Variants in PPP4R2 observed in about 807,000 individuals in gnomAD.
PPP4R2 encodes the protein protein phosphatase 4 regulatory subunit 2.
A neutral mutation model predicts 47.2 loss-of-function variants in PPP4R2; 13 were observed. The observed-to-expected ratio is 0.28, with a 90% CI of 0.18 to 0.44. The LOEUF (loss-of-function observed/expected upper bound fraction) is 0.44. Ranked by LOEUF, PPP4R2 falls within the 20% of genes least tolerant of loss-of-function variation. The pLI, the probability that PPP4R2 is intolerant of heterozygous loss-of-function variation, is 1.00. For synonymous variants in PPP4R2, 151 were observed against 163.3 expected, an observed-to-expected ratio of 0.92 and a Z score of 0.57; for missense variants, 421 against 491.2, an observed-to-expected ratio of 0.86 and a Z score of 1.35.
At chr3:73,002,153 T>C (rs1247746446) in intron 2 of PPP4R2, among the ~76,000 whole-genome samples, 2 of 152,244 alleles carry the variant, frequency 1.3e-5, no homozygotes, top group Non-Finnish European at 2.9e-5. Context: ...TATAGTTCCA[T>C]CCATGTTGTT....
chr3:73,064,860 C>G lies in PPP4R2; in HGVS notation c.647C>G (p.Ser216Trp). The change falls in exon 8 of 9, where the codon TCG becomes TGG. Residue 216 changes from serine (S) to tryptophan (W), a missense_variant. Physicochemically the swap from Ser to Trp is radical, Grantham distance 177. Transcript: ENST00000356692. ...QNEEKNHSDSSTSESEVSSVS... is the reference protein window; with the variant it reads ...QNEEKNHSDSWTSESEVSSVS... ...TAAAAAAACATTTACAGTGACTCTT[C>G]GACCTCTGAATCAGAAGTTTCCTCA... 6.2e-7 allele frequency: 1 copy of G among 1,602,380 alleles called. No individual in the cohort carries two copies. Among genetic ancestry groups the G allele is most frequent in the Non-Finnish European group, 8.5e-7 (1 of 1,175,804 alleles).
chr3:73,051,594 A>G (rs1702614141), intron 3 of PPP4R2, among the ~76,000 whole-genome samples: 1 of 152,138 alleles, frequency 6.6e-6, no homozygotes, highest in South Asian at 2.1e-4. Context: ...GCTTTCTAAA[A>G]TTATTTTAGT....
intron 2 of PPP4R2, among the ~76,000 whole-genome samples, chr3:73,034,683 C>G (rs978344542): frequency 6.6e-6 from 1 of 152,018 alleles, no homozygotes; most frequent in African/African-American, 2.4e-5. Context: ...TAGGTACATG[C>G]CACCATGCCT....
chr3:73,028,792 TCTAG>T (rs1702116031), intron 2 of PPP4R2, among the ~76,000 whole-genome samples: 1 of 152,098 alleles, frequency 6.6e-6, no homozygotes, highest in South Asian at 2.1e-4. Context: ...GACTAGTGTG[TCTAG>T]CCCTTTCACA....
chr3:73,003,510 G>A (rs1458471096), intron 2 of PPP4R2, among the ~76,000 whole-genome samples: 3 of 151,932 alleles, frequency 2.0e-5, no homozygotes, highest in East Asian at 1.9e-4. Context: ...TCACTGCCCC[G>A]GCTGACTTTC....
chr3:73,060,951 G>C, intron 4 of PPP4R2, 72 bp from the exon 5 acceptor site: 1 of 1,078,270 alleles, frequency 9.3e-7, no homozygotes, highest in Non-Finnish European at 1.3e-6. Context: ...AGTGATTTTA[G>C]AAACAAAAAT....
intron 2 of PPP4R2, among the ~76,000 whole-genome samples, chr3:73,018,685 T>G (rs1365615446): frequency 6.6e-6 from 1 of 152,202 alleles, no homozygotes; most frequent in Non-Finnish European, 1.5e-5. Flanking sequence ...TGAAGTTCAC[T>G]GAATATGCAG....
At chr3:73,033,513 G>T (rs769095780) in intron 2 of PPP4R2, among the ~76,000 whole-genome samples, 1 of 152,128 alleles carries the variant, frequency 6.6e-6, no homozygotes, top group Non-Finnish European at 1.5e-5. Flanking sequence ...TTTATGGATT[G>T]CTTGGTTGAG....
intron 2 of PPP4R2, among the ~76,000 whole-genome samples, chr3:73,030,254 T>C (rs1559556246): frequency 6.6e-6 from 1 of 152,196 alleles, no homozygotes; most frequent in Non-Finnish European, 1.5e-5. Context: ...ATGGCAAATG[T>C]GGTATATAAA....
intron 2 of PPP4R2, among the ~76,000 whole-genome samples, chr3:73,008,352 T>C (rs867089009): frequency 6.6e-6 from 1 of 152,196 alleles, no homozygotes; most frequent in Admixed American, 6.5e-5. Flanking sequence ...TATAGTTTTC[T>C]TTTTCATCAC....
intron 3 of PPP4R2, among the ~76,000 whole-genome samples, chr3:73,049,406 G>A (rs1024250748): frequency 1.3e-5 from 2 of 152,006 alleles, no homozygotes; most frequent in Non-Finnish European, 2.9e-5. Flanking sequence ...GACTGAGGCA[G>A]GAAAATGGGG....
At chr3:73,006,190 ATTTTTTTTTTTTTT>A (rs71624000) in intron 2 of PPP4R2, among the ~76,000 whole-genome samples, 2 of 124,176 alleles carry the variant, frequency 1.6e-5, no homozygotes, top group Admixed American at 1.7e-4. Flanking sequence ...ATATGCCACA[ATTTTTTTTTTTTTT>A]TTTTTTTTTT....
Position 73,065,625 on chromosome 3 carries a change from C to A in PPP4R2, c.1157C>A (p.Ser386Tyr), listed in dbSNP as rs770219449. ...DCRETEELVG[S>Y]NSSKTGEILS... The stretch of plus-strand genomic sequence containing the variant: ...CGTGAAACAGAAGAATTAGTAGGAT[C>A]CAATTCCAGTAAAACTGGAGAGATT... The change falls in exon 9 of 9, where the codon TCC (serine) becomes TAC (tyrosine). Residue 386 changes from serine to tyrosine, a missense_variant. Transcript: ENST00000356692. 5.6e-6 allele frequency: 9 copies of A among 1,613,018 alleles called. No individual in the cohort carries two copies. Among genetic ancestry groups the A allele is most frequent in the Non-Finnish European group, 7.6e-6 (9 of 1,179,192 alleles).
chr3:73,004,944 C>CGTGT lies in PPP4R2; in HGVS notation c.116+6829_116+6832dup, dbSNP rs67945272. On this transcript the variant is annotated intron_variant, in intron 2 of 8. Transcript: ENST00000356692. ...GTGTTTGTGTGTTTTGAGTCGGAGT[C>CGTGT]GTGTGTGTGTGTGTGTGTGTGTGTG... is the stretch of plus-strand genomic sequence containing the variant. Among the ~76,000 whole-genome samples, 393 of 117,038 alleles carry CGTGT rather than the reference C, an allele frequency of 3.4e-3. 4 individuals are homozygous for CGTGT. The highest frequency in any genetic ancestry group is 7.7e-3 in the Middle Eastern group (2 of 260). The allele number at this position is 117,038 out of a possible 152,430, so 76.8% of individuals were successfully genotyped here.
rs376390686 is a variant in PPP4R2, at chr3:73,055,532, T to A, written c.288-3505T>A. On this transcript the variant is annotated intron_variant, in intron 3 of 8. Coordinates refer to ENST00000356692, the MANE Select transcript of PPP4R2 (RefSeq NM_174907.4). ...GGGGGGTTTAAAAAATGTTACTGGA[T>A]GTTGTAGGCACTGTTTTAAAAAATT... 8.6e-5 allele frequency among the ~76,000 whole-genome samples: 13 copies of A among 151,812 alleles called. No individual in the cohort carries two copies. In the East Asian group the frequency reaches 2.3e-3, roughly 27 times the overall value.
At chr3:73,022,092 T>C (rs1372273790) in intron 2 of PPP4R2, among the ~76,000 whole-genome samples, 1 of 151,886 alleles carries the variant, frequency 6.6e-6, no homozygotes, top group Admixed American at 6.6e-5. Flanking sequence ...AGATGGAGTT[T>C]CACCATGTTG....
intron 2 of PPP4R2, among the ~76,000 whole-genome samples, chr3:73,007,796 G>C (rs555268813): frequency 6.6e-6 from 1 of 151,968 alleles, no homozygotes; most frequent in African/African-American, 2.4e-5. Flanking sequence ...GCCTCTATGG[G>C]GTTTCTTAAG....
At chr3:73,011,367 G>A (rs1239744659) in intron 2 of PPP4R2, among the ~76,000 whole-genome samples, 1 of 152,192 alleles carries the variant, frequency 6.6e-6, no homozygotes, top group African/African-American at 2.4e-5. Flanking sequence ...TTTAGTCGCA[G>A]CTGCTCGGGA....
chr3:73,013,492 A>AAAAG (rs59943575), intron 2 of PPP4R2, among the ~76,000 whole-genome samples: 79,864 of 151,578 alleles, frequency 0.53, 21,374 homozygotes, highest in African/African-American at 0.62. Flanking sequence ...AATGTAAGAA[A>AAAAG]AAAAATCAAA....
Sources: allele counts gnomAD v4.1 joint callset (sites outside exome capture counted in the v4.1 genomes callset), GRCh38; gene constraint gnomAD v4.1.1; transcripts MANE v1.5; gene names NCBI Gene and HGNC (gene_info 2026-07-23, HGNC 2026-07-21).